Variants in RLF observed in about 807,000 individuals in gnomAD.
The protein encoded by RLF is RLF zinc finger, also known as zinc finger protein Rlf.
Under a neutral mutation model 162.9 loss-of-function variants are expected in RLF, and 7 were observed. The ratio of observed to expected loss-of-function variants is 0.04; its 90% CI spans 0.02 to 0.08. RLF has a LOEUF of 0.08. RLF is among the 10% of genes least tolerant of loss of function. The probability of loss-of-function intolerance (pLI) is 1.00; values close to 1 mark genes in which losing one functional copy is unlikely to be tolerated. For synonymous variants in RLF, 782 were observed against 791.5 expected, an observed-to-expected ratio of 0.99 and a Z score of 0.20; for missense variants, 1,664 against 2,244.7, an observed-to-expected ratio of 0.74 and a Z score of 5.23.
chr1:40,189,469 C>A (rs1001918971), intron 2 of RLF, among the ~76,000 whole-genome samples: 4 of 152,096 alleles, frequency 2.6e-5, no homozygotes, highest in African/African-American at 9.7e-5. Flanking sequence ...TATTTCTATC[C>A]CTTAGGTATA....
rs201686344 is a variant in RLF at position 40,235,985 on chromosome 1, T to A, written c.1283T>A (p.Met428Lys). Reference protein sequence around the residue: ...LIEPSLDGFNMLEELYLQPDQ... With the variant: ...LIEPSLDGFNKLEELYLQPDQ... The stretch of plus-strand genomic sequence containing the variant: ...GAACCCAGTTTGGATGGATTTAATA[T>A]GTTAGAAGAACTATATTTGCAACCA... The change falls in exon 8 of 8, where the codon ATG (methionine) becomes AAG (lysine). Residue 428 changes from methionine (M) to lysine (K), a missense_variant. This residue lies in a region of RLF where 287 missense variants were observed against 404.9 expected (regional missense o/e 0.71). Coordinates refer to ENST00000372771, the MANE Select transcript of RLF (RefSeq NM_012421.4). 6.2e-7 allele frequency: 1 copy of A among 1,613,228 alleles called. No individual in the cohort carries two copies. Among genetic ancestry groups the A allele is most frequent in the Non-Finnish European group, 8.5e-7 (1 of 1,179,792 alleles).
chr1:40,225,878 CAAA>C (rs71577617), intron 6 of RLF, among the ~76,000 whole-genome samples: 2 of 14,782 alleles, frequency 1.4e-4, no homozygotes, highest in Admixed American at 9.7e-4. Flanking sequence ...GACTCCGTCG[CAAA>C]AAAAAAAAAA....
intron 4 of RLF, among the ~76,000 whole-genome samples, chr1:40,201,951 C>T (rs1019727637): frequency 3.9e-5 from 6 of 151,930 alleles, no homozygotes; most frequent in Non-Finnish European, 2.9e-5. Flanking sequence ...GTCTTTTGGT[C>T]GGTGGAACAC....
chr1:40,220,130 A>AGACAG (rs561605815), intron 5 of RLF, among the ~76,000 whole-genome samples: 41 of 152,248 alleles, frequency 2.7e-4, no homozygotes, highest in Non-Finnish European at 4.0e-4. Context: ...CGGGGGGCTG[A>AGACAG]GACAGGAGAA....
At chr1:40,216,632 G>A (rs772272282) in intron 5 of RLF, among the ~76,000 whole-genome samples, 6 of 152,156 alleles carry the variant, frequency 3.9e-5, no homozygotes, top group Admixed American at 6.5e-5. Flanking sequence ...AAACATTTAC[G>A]GAAGAATTAA....
chr1:40,221,899 C>CAAAAAAAAAAAAAAA (rs895455745), intron 5 of RLF, among the ~76,000 whole-genome samples: 17 of 65,030 alleles, frequency 2.6e-4, no homozygotes, highest in African/African-American at 7.2e-4. Context: ...GACTCCGTCT[C>CAAAAAAAAAAAAAAA]AAAAAAAAAA....
At chr1:40,180,567 TA>T (rs1642392149) in intron 1 of RLF, among the ~76,000 whole-genome samples, 1 of 152,098 alleles carries the variant, frequency 6.6e-6, no homozygotes, top group Non-Finnish European at 1.5e-5. Flanking sequence ...TGACCTCTTT[TA>T]TTTTACATGA....
chr1:40,226,116 A>T (rs531309973), intron 6 of RLF, among the ~76,000 whole-genome samples: 1 of 152,200 alleles, frequency 6.6e-6, no homozygotes, highest in Non-Finnish European at 1.5e-5. Context: ...TATTTTAGAA[A>T]TTTCGCTCAG....
chr1:40,201,307 A>T (rs1642716457), intron 4 of RLF, among the ~76,000 whole-genome samples: 2 of 151,668 alleles, frequency 1.3e-5, no homozygotes, highest in Non-Finnish European at 2.9e-5. Context: ...GATGTCACAT[A>T]CTTGTTGGAT....
At position 40,221,899 on chromosome 1, in the gene RLF, CAAAAA is replaced by C. The variant is rs895455745; in HGVS notation, c.811-660_811-656del. The stretch of plus-strand genomic sequence containing the variant: ...TGGGCGACACAGCGAGACTCCGTCT[CAAAAA>C]AAAAAAAAAAAAAAGAGAAAGGAAA... On this transcript the variant is annotated intron_variant, in intron 5 of 7. Transcript: ENST00000372771. Among the ~76,000 whole-genome samples, 3 of 65,042 alleles carry C rather than the reference CAAAAA, an allele frequency of 4.6e-5. 1 individual carries two copies. The highest frequency in any genetic ancestry group is 8.7e-5 in the Non-Finnish European group (3 of 34,472). 42.7% of individuals were successfully genotyped at this position (65,042 alleles called of 152,430 possible).
intron 6 of RLF, among the ~76,000 whole-genome samples, chr1:40,225,748 G>A (rs1643062763): frequency 6.6e-6 from 1 of 151,592 alleles, no homozygotes; most frequent in South Asian, 2.1e-4. Context: ...GGTGGCGGGC[G>A]TGCCTGTAGT....
intron 1 of RLF, among the ~76,000 whole-genome samples, chr1:40,178,632 GTTTTT>G (rs57391266): frequency 1.1e-5 from 1 of 88,410 alleles, no homozygotes; most frequent in African/African-American, 3.9e-5. Context: ...TTTTTTTTTT[GTTTTT>G]TTTTTTTTTT....
chr1:40,184,332 A>G (rs1347349588), intron 1 of RLF, among the ~76,000 whole-genome samples: 1 of 152,232 alleles, frequency 6.6e-6, no homozygotes, highest in Non-Finnish European at 1.5e-5. Flanking sequence ...GAAGTGAACC[A>G]ATGTAGCAGT....
intron 1 of RLF, among the ~76,000 whole-genome samples, chr1:40,171,412 T>A (rs1262810551): frequency 6.6e-6 from 1 of 152,206 alleles, no homozygotes; most frequent in Non-Finnish European, 1.5e-5. Context: ...TGTGGACATT[T>A]GTTATAAGAA....
At position 40,234,391 on chromosome 1, in the gene RLF, T is replaced by C. The variant is rs191521534; in HGVS notation, c.1090-1401T>C. Among the ~76,000 whole-genome samples the C allele has an allele frequency of 1.2e-3, 181 of 152,284 alleles. 4 individuals carry two copies. Among genetic ancestry groups the C allele is most frequent in the Admixed American group, 0.01 (159 of 15,284 alleles). ...TTATTTCAAATAAGTGCCTAGGCTG[T>C]AGTAGGGGTTCTGTAAATCAATGAC... On this transcript the variant is annotated intron_variant, in intron 7 of 7. Transcript: ENST00000372771.
chr1:40,212,102 A>G (rs1435865139), intron 5 of RLF, among the ~76,000 whole-genome samples: 3 of 152,294 alleles, frequency 2.0e-5, no homozygotes, highest in African/African-American at 4.8e-5. Flanking sequence ...TTTGCCATCT[A>G]CTTCACCTGA....
At chr1:40,217,312 A>G (rs1642937057) in intron 5 of RLF, among the ~76,000 whole-genome samples, 1 of 152,066 alleles carries the variant, frequency 6.6e-6, no homozygotes, top group South Asian at 2.1e-4. Flanking sequence ...CAAAAAAATA[A>G]TAAAATAAAC....
At chr1:40,225,630 A>T (rs1362494953) in intron 6 of RLF, among the ~76,000 whole-genome samples, 2 of 149,730 alleles carry the variant, frequency 1.3e-5, no homozygotes, top group African/African-American at 5.0e-5. Context: ...TAATCCCAGC[A>T]CTTTGGGAGG....
intron 1 of RLF, among the ~76,000 whole-genome samples, chr1:40,187,092 C>T (rs1050388657): frequency 4.0e-5 from 6 of 151,084 alleles, no homozygotes; most frequent in African/African-American, 9.7e-5. Flanking sequence ...AGTGCAGTGG[C>T]GCAATCTTGG....
Sources: allele counts gnomAD v4.1 joint callset (sites outside exome capture counted in the v4.1 genomes callset), GRCh38; gene constraint gnomAD v4.1.1; regional missense constraint gnomAD v4.1.1; transcripts MANE v1.5; gene names NCBI Gene and HGNC (gene_info 2026-07-23, HGNC 2026-07-21).